The following BTBD7 variants were observed in gnomAD, a reference collection of about 807,000 sequenced individuals.
BTBD7 encodes BTB/POZ domain-containing protein 7.
BTBD7 carries 38 observed loss-of-function variants against 99.9 expected under a neutral mutation model. The observed-to-expected ratio is 0.38, with a 90% confidence interval of 0.29 to 0.50. The LOEUF (loss-of-function observed/expected upper bound fraction) is 0.50, where lower values mean the gene tolerates loss of function less well. BTBD7 is among the 20% of genes least tolerant of loss of function. The pLI is 0.93. For synonymous variants in BTBD7, 520 were observed against 511.4 expected (o/e 1.02, Z -0.23); for missense variants, 1,170 against 1,394.6 (o/e 0.84, Z 2.57).
intron 3 of BTBD7, among the ~76,000 whole-genome samples, chr14:93,285,469 C>G (rs2052766401): frequency 6.6e-6 from 1 of 152,018 alleles, no homozygotes; most frequent in Non-Finnish European, 1.5e-5. Flanking sequence ...CATTTGTGAT[C>G]AAGATGAAAA....
intron 1 of BTBD7, among the ~76,000 whole-genome samples, chr14:93,318,658 C>T (rs1403621907): frequency 6.6e-6 from 1 of 152,140 alleles, no homozygotes; most frequent in Non-Finnish European, 1.5e-5. Flanking sequence ...ACAAATCAGA[C>T]TGGGTAGTGA....
At chr14:93,288,627 G>A (rs12433810) in intron 3 of BTBD7, 3 of 1,179,140 alleles carry the variant, frequency 2.5e-6, no homozygotes, top group Non-Finnish European at 3.8e-6. Context: ...CCTTGGATGG[G>A]TTTTCATATT....
At chr14:93,307,424 C>A (rs910071926) in intron 1 of BTBD7, among the ~76,000 whole-genome samples, 5 of 152,174 alleles carry the variant, frequency 3.3e-5, no homozygotes, top group Admixed American at 2.0e-4. Context: ...CCAAAGTGCT[C>A]AGATTACAGG....
At chr14:93,306,154 T>A (rs71419270) in intron 1 of BTBD7, among the ~76,000 whole-genome samples, 25,479 of 152,038 alleles carry the variant, frequency 0.17, 2,364 homozygotes, top group East Asian at 0.31. Context: ...CTCACCAAAC[T>A]GGTAAGGGGA....
intron 3 of BTBD7, among the ~76,000 whole-genome samples, chr14:93,291,341 GA>G (rs1489167858): frequency 6.6e-6 from 1 of 152,002 alleles, no homozygotes; most frequent in East Asian, 1.9e-4. Flanking sequence ...TTACAAATGA[GA>G]AAAGAGGGGC....
intron 3 of BTBD7, among the ~76,000 whole-genome samples, chr14:93,269,761 G>A (rs2052581623): frequency 6.6e-6 from 1 of 151,790 alleles, no homozygotes; most frequent in Non-Finnish European, 1.5e-5. Flanking sequence ...CTGCAGACAT[G>A]CTTTGAATAG....
rs762253502 is a variant in BTBD7 at position 93,237,683 on chromosome 14, T to C, written c.*4590A>G. The stretch of plus-strand genomic sequence containing the variant: ...ACTGTAATGGTACTCAAAAGAGAAA[T>C]GTATCGTTTTACAATGCTTCACACA... On this transcript the variant is annotated 3_prime_UTR_variant, in exon 11 of 11. Transcript: ENST00000334746. 6 of 152,592 alleles carry C rather than the reference T, an allele frequency of 3.9e-5. No homozygotes were observed. Among genetic ancestry groups the C allele is most frequent in the Non-Finnish European group, 8.8e-5 (6 of 68,046 alleles). The allele number at this position is 152,592 out of a possible 1,614,324, so 9.5% of individuals were successfully genotyped here.
intron 1 of BTBD7, among the ~76,000 whole-genome samples, chr14:93,308,985 T>C (rs2053105877): frequency 6.6e-6 from 1 of 152,148 alleles, no homozygotes; most frequent in Non-Finnish European, 1.5e-5. Context: ...AAATGGTAAA[T>C]GTTATGTATT....
intron 1 of BTBD7, among the ~76,000 whole-genome samples, chr14:93,329,487 T>C (rs1366065145): frequency 3.3e-5 from 5 of 152,258 alleles, no homozygotes; most frequent in Non-Finnish European, 7.3e-5. Context: ...GAGACTCAGA[T>C]ATTTTAACAT....
chr14:93,250,791 T>A (rs1254323526), intron 8 of BTBD7, among the ~76,000 whole-genome samples: 1 of 152,212 alleles, frequency 6.6e-6, no homozygotes, highest in African/African-American at 2.4e-5. Flanking sequence ...TCGTAAGACA[T>A]AAACCTGTGC....
intron 1 of BTBD7, among the ~76,000 whole-genome samples, chr14:93,313,679 TAC>T (rs57711099): frequency 0.065 from 9,473 of 145,302 alleles, 422 homozygotes; most frequent in African/African-American, 0.14. Context: ...AAAATGAAAC[TAC>T]ACACACACAC....
chr14:93,248,626 C>A lies in BTBD7; in HGVS notation c.1971G>T (p.Met657Ile). Residue 657 changes from methionine (M) to isoleucine (I), a missense_variant, in exon 9 of 11, where the codon ATG becomes ATT. Met to Ile is a conservative substitution (Grantham distance 10). Coordinates refer to ENST00000334746, the MANE Select transcript of BTBD7 (RefSeq NM_001002860.4). ...PVPRLLIMKD[M>I]VRRLQELRHT... ...GCCGCAGTTCCTGCAGTCGTCTGAC[C>A]ATGTCTTTCATAATGAGGAGACGAG... 1 of 1,612,008 alleles carries A rather than the reference C, an allele frequency of 6.2e-7. No homozygotes were observed. Among genetic ancestry groups the A allele is most frequent in the Non-Finnish European group, 8.5e-7 (1 of 1,179,464 alleles).
chr14:93,263,191 TGTAA>T lies in BTBD7; in HGVS notation c.1371+590_1371+593del, dbSNP rs2052508397. Among the ~76,000 whole-genome samples the T allele has an allele frequency of 2.6e-5, 4 of 152,368 alleles. No individual in the cohort carries two copies. The South Asian group carries it at 8.3e-4, about 32-fold the overall frequency. On this transcript the variant is annotated intron_variant, in intron 4 of 10. Transcript: ENST00000334746. The stretch of plus-strand genomic sequence containing the variant: ...AAATTAAGCTTGGATATACTTTGCC[TGTAA>T]GTATTTTCTGTAATGTATAAAATCT...
At chr14:93,286,226 G>A (rs548327711) in intron 3 of BTBD7, among the ~76,000 whole-genome samples, 1 of 152,210 alleles carries the variant, frequency 6.6e-6, no homozygotes, top group African/African-American at 2.4e-5. Flanking sequence ...TGACCTTTAA[G>A]GCTTTTCTAC....
chr14:93,284,335 T>C (rs1240572270), intron 3 of BTBD7, among the ~76,000 whole-genome samples: 1 of 152,212 alleles, frequency 6.6e-6, no homozygotes, highest in Non-Finnish European at 1.5e-5. Flanking sequence ...TTAGACCCCA[T>C]GTAAACTTAC....
At chr14:93,261,416 CTTTCTGATATATT>C (rs2052488019) in intron 5 of BTBD7, among the ~76,000 whole-genome samples, 173 bp downstream of exon 5, 1 of 152,064 alleles carries the variant, frequency 6.6e-6, no homozygotes, top group African/African-American at 2.4e-5. Flanking sequence ...CAAAATAAGA[CTTTCTGATATATT>C]TATTTTAATA....
chr14:93,330,152 A>T (rs778170391), intron 1 of BTBD7, among the ~76,000 whole-genome samples: 1 of 152,148 alleles, frequency 6.6e-6, no homozygotes, highest in Non-Finnish European at 1.5e-5. Context: ...TACCACATTA[A>T]TCCCTGGCCT....
intron 1 of BTBD7, among the ~76,000 whole-genome samples, chr14:93,306,900 CTT>C (rs2053077014): frequency 6.6e-6 from 1 of 152,122 alleles, no homozygotes; most frequent in South Asian, 2.1e-4. Context: ...CTCAGATTCT[CTT>C]TATCAGTTGT....
intron 3 of BTBD7, among the ~76,000 whole-genome samples, chr14:93,273,849 C>T (rs1422725276): frequency 6.6e-6 from 1 of 151,762 alleles, no homozygotes; most frequent in Non-Finnish European, 1.5e-5. Context: ...GTGTAGGCAC[C>T]TAAAGAATGG....
Sources: allele counts gnomAD v4.1 joint callset (sites outside exome capture counted in the v4.1 genomes callset), GRCh38; gene constraint gnomAD v4.1.1; transcripts MANE v1.5; gene names NCBI Gene and HGNC (gene_info 2026-07-23, HGNC 2026-07-21).